Variants in APBB1IP observed in about 807,000 individuals in gnomAD.
The protein encoded by APBB1IP is amyloid beta precursor protein binding family B member 1 interacting protein.
A neutral mutation model predicts 64.9 loss-of-function variants in APBB1IP; 27 were observed. The ratio of observed to expected loss-of-function variants is 0.42; its 90% confidence interval spans 0.31 to 0.57. The LOEUF (loss-of-function observed/expected upper bound fraction) is 0.57. Ranked by LOEUF, APBB1IP falls within the 20% of genes least tolerant of loss-of-function variation. The probability of loss-of-function intolerance (pLI) is 0.20; values close to 1 mark genes in which losing one functional copy is unlikely to be tolerated. For synonymous variants in APBB1IP, 392 were observed against 331.0 expected (o/e 1.18, Z -2.00); for missense variants, 812 against 845.5 (o/e 0.96, Z 0.49).
At chr10:26,529,244 A>C (rs971279238) in intron 8 of APBB1IP, among the ~76,000 whole-genome samples, 2 of 152,272 alleles carry the variant, frequency 1.3e-5, no homozygotes, top group African/African-American at 4.8e-5. Context: ...CTACTTCTAC[A>C]GAACAGCCCG....
chr10:26,469,701 G>A (rs527653998), intron 2 of APBB1IP, among the ~76,000 whole-genome samples: 5 of 151,992 alleles, frequency 3.3e-5, no homozygotes, highest in East Asian at 1.9e-4. Context: ...CCCATCACCC[G>A]GGTACTGAGC....
intron 2 of APBB1IP, among the ~76,000 whole-genome samples, chr10:26,483,094 A>T (rs1477927842): frequency 2.5e-5 from 2 of 80,216 alleles, no homozygotes; most frequent in African/African-American, 9.3e-5. Context: ...CCATCTGATA[A>T]AAAAAAAAAA....
rs1312234884 is a variant in APBB1IP at position 26,552,046 on chromosome 10, C to A, written c.1156-8059C>A. Among the ~76,000 whole-genome samples, 3 of 152,330 alleles carry A rather than the reference C, an allele frequency of 2.0e-5. No homozygotes were observed. In the East Asian group the frequency reaches 5.8e-4, roughly 29 times the overall value. Reference sequence around the variant, plus strand: ...AGGCACAGTGGCTCATGCCTGTAATCCCAGCACTTTGGGAGGCCAAGGCAG... The same window carrying A: ...AGGCACAGTGGCTCATGCCTGTAATACCAGCACTTTGGGAGGCCAAGGCAG... On this transcript the variant is annotated intron_variant, in intron 11 of 14. Coordinates refer to ENST00000376236, the MANE Select transcript of APBB1IP (RefSeq NM_019043.4).
chr10:26,482,670 G>C (rs1029382791), intron 2 of APBB1IP, among the ~76,000 whole-genome samples: 2 of 151,914 alleles, frequency 1.3e-5, no homozygotes, highest in Non-Finnish European at 2.9e-5. Flanking sequence ...GTTGCCAGAT[G>C]GTTTCTAATT....
chr10:26,487,974 C>A (rs1835911879), intron 2 of APBB1IP, among the ~76,000 whole-genome samples: 1 of 152,150 alleles, frequency 6.6e-6, no homozygotes, highest in African/African-American at 2.4e-5. Context: ...ATAAAAAAAT[C>A]TGAAATGTGT....
chr10:26,564,838 T>TAAAGA (rs1232837124), intron 14 of APBB1IP, among the ~76,000 whole-genome samples: 5 of 151,712 alleles, frequency 3.3e-5, no homozygotes, highest in African/African-American at 7.3e-5. Flanking sequence ...TAAAATAAAA[T>TAAAGA]AAAGAAAAGA....
intron 2 of APBB1IP, among the ~76,000 whole-genome samples, chr10:26,461,291 T>C (rs967986114): frequency 7.2e-5 from 11 of 152,336 alleles, no homozygotes; most frequent in Admixed American, 2.6e-4. Flanking sequence ...GAATTTCTTT[T>C]GCATATGGCA....
At chr10:26,481,240 G>C (rs1014240164) in intron 2 of APBB1IP, among the ~76,000 whole-genome samples, 11 of 152,102 alleles carry the variant, frequency 7.2e-5, no homozygotes, top group Non-Finnish European at 1.6e-4. Context: ...CCTGTGTCAA[G>C]TGTTCTTGCA....
At position 26,503,371 on chromosome 10, in the gene APBB1IP, C is replaced by G. The variant is rs562684112; in HGVS notation, c.531+97C>G. 37 of 1,197,474 alleles carry G rather than the reference C, an allele frequency of 3.1e-5. No homozygotes were observed. In the East Asian group the frequency reaches 9.2e-4, roughly 30 times the overall value. The allele number at this position is 1,197,474 out of a possible 1,614,324, so 74.2% of individuals were successfully genotyped here. A position where few individuals can be genotyped will look rare whatever the true frequency, so the allele number is the denominator to read the frequency against. On this transcript the variant is annotated intron_variant, in intron 6 of 14. Coordinates refer to ENST00000376236, the MANE Select transcript of APBB1IP (RefSeq NM_019043.4). The stretch of plus-strand genomic sequence containing the variant: ...CAAAATAAAGCCGGGCGCGGTGGCT[C>G]ACACCTGTAATCCCAGCACTTTGGG...
intron 2 of APBB1IP, among the ~76,000 whole-genome samples, chr10:26,444,828 G>T (rs117192881): frequency 6.6e-6 from 1 of 152,168 alleles, no homozygotes; most frequent in Non-Finnish European, 1.5e-5. Context: ...AGGCTGCGTG[G>T]TGGCTCACGC....
At chr10:26,511,933 G>A (rs748977934) in intron 7 of APBB1IP, 27 bp downstream of exon 7, 40 of 1,611,180 alleles carry the variant, frequency 2.5e-5, no homozygotes, top group Non-Finnish European at 2.7e-5. Flanking sequence ...GCAATGGGCT[G>A]TACTCCAAAA....
chr10:26,537,933 C>CAAAAAA (rs11331595), intron 10 of APBB1IP, among the ~76,000 whole-genome samples: 3 of 106,988 alleles, frequency 2.8e-5, no homozygotes, highest in African/African-American at 7.0e-5. Context: ...GACTAGGTCT[C>CAAAAAA]AAAAAAAAAA....
At chr10:26,465,475 T>C (rs939141317) in intron 2 of APBB1IP, among the ~76,000 whole-genome samples, 4 of 152,220 alleles carry the variant, frequency 2.6e-5, no homozygotes, top group African/African-American at 9.6e-5. Context: ...ATATATTATG[T>C]GTCATAATGA....
At chr10:26,440,645 T>C (rs1490001374) in intron 2 of APBB1IP, among the ~76,000 whole-genome samples, 1 of 149,970 alleles carries the variant, frequency 6.7e-6, no homozygotes, top group Non-Finnish European at 1.5e-5. Context: ...AATTACTTTA[T>C]GGCATTACTT....
intron 6 of APBB1IP, chr10:26,509,851 C>T (rs1159043027): frequency 6.6e-6 from 1 of 152,186 alleles, no homozygotes; most frequent in Non-Finnish European, 1.5e-5. Context: ...TCATATGCTA[C>T]AAATACACAG....
chr10:26,554,570 T>G (rs1192369080), intron 11 of APBB1IP, among the ~76,000 whole-genome samples: 1 of 152,130 alleles, frequency 6.6e-6, no homozygotes, highest in Non-Finnish European at 1.5e-5. Context: ...TTTGCTTGTT[T>G]TTTGTCGGTT....
chr10:26,562,339 C>T lies in APBB1IP; in HGVS notation c.1383C>T (p.Gly461=). ...CTTCCCTCTCAGGACCTAAAACAGG[C>T]ACCACCCAGCCCAATGGACAGATTC... ...PAQPSTGPKT[G]TTQPNGQIPQ... is the part of the protein sequence containing the mutation. Residue 461 remains glycine, a synonymous_variant, in exon 14 of 15, where the codon GGC becomes GGT. Transcript: ENST00000376236. The T allele has an allele frequency of 6.2e-7, 1 of 1,613,584 alleles. No homozygotes were observed. Among genetic ancestry groups the T allele is most frequent in the South Asian group, 1.1e-5 (1 of 91,066 alleles).
intron 2 of APBB1IP, among the ~76,000 whole-genome samples, chr10:26,449,185 A>G (rs1417175136): frequency 1.3e-5 from 2 of 152,226 alleles, no homozygotes; most frequent in Non-Finnish European, 2.9e-5. Flanking sequence ...TTAGTCTTTT[A>G]AAAGCGTGCC....
At chr10:26,464,463 C>T (rs1375599621) in intron 2 of APBB1IP, among the ~76,000 whole-genome samples, 1 of 152,144 alleles carries the variant, frequency 6.6e-6, no homozygotes, top group East Asian at 1.9e-4. Context: ...TGCAGTGGCA[C>T]AATCATGGTC....
Sources: gnomAD v4.1 joint callset for allele counts (sites outside exome capture counted in the v4.1 genomes callset) on GRCh38, gnomAD v4.1.1 for gene constraint, MANE v1.5 for transcripts, NCBI Gene and HGNC (gene_info 2026-07-23, HGNC 2026-07-21) for gene names.